CFAP20DC: variants seen among roughly 807,000 people sequenced by gnomAD.
The protein encoded by CFAP20DC is CFAP20 domain containing.
In CFAP20DC, 84 loss-of-function variants were observed where a neutral mutation model predicts 101.7. That is an observed-to-expected ratio of 0.83 (90% CI 0.69 to 0.99). The LOEUF is 0.99. CFAP20DC is among the 50% of genes least tolerant of loss of function. The probability of loss-of-function intolerance (pLI) is 0.00; values close to 1 mark genes in which losing one functional copy is unlikely to be tolerated. For missense variants in CFAP20DC, 1,007 were observed against 970.3 expected, an observed-to-expected ratio of 1.04 and a Z score of -0.50; for synonymous variants, 359 against 351.2, an observed-to-expected ratio of 1.02 and a Z score of -0.25.
chr3:58,956,261 AG>A (rs367986073), intron 4 of CFAP20DC, among the ~76,000 whole-genome samples: 4 of 151,916 alleles, frequency 2.6e-5, no homozygotes, highest in African/African-American at 9.7e-5. Flanking sequence ...GGCTCTTGGA[AG>A]GCATTTCTGA....
At chr3:58,930,818 G>A (rs2086544418) in intron 5 of CFAP20DC, among the ~76,000 whole-genome samples, 1 of 152,170 alleles carries the variant, frequency 6.6e-6, no homozygotes, top group African/African-American at 2.4e-5. Flanking sequence ...AACAGCTCCG[G>A]TCTACAGCTC....
chr3:58,995,660 A>C (rs2093096758), intron 4 of CFAP20DC, among the ~76,000 whole-genome samples: 1 of 152,200 alleles, frequency 6.6e-6, no homozygotes, highest in South Asian at 2.1e-4. Context: ...TTAACACACA[A>C]ATCAGTAGAC....
At chr3:58,932,384 C>A (rs899870039) in intron 5 of CFAP20DC, among the ~76,000 whole-genome samples, 6 of 152,058 alleles carry the variant, frequency 3.9e-5, no homozygotes, top group Non-Finnish European at 5.9e-5. Context: ...CCCAATCTAG[C>A]AAGGCAGGCC....
intron 4 of CFAP20DC, among the ~76,000 whole-genome samples, chr3:58,960,893 C>T (rs916498021): frequency 6.6e-6 from 1 of 152,038 alleles, no homozygotes; most frequent in South Asian, 2.1e-4. Context: ...GTATGATAAG[C>T]TATATGTTTT....
intron 5 of CFAP20DC, among the ~76,000 whole-genome samples, chr3:58,919,284 C>T (rs1332250587): frequency 6.6e-6 from 1 of 151,962 alleles, no homozygotes; most frequent in Non-Finnish European, 1.5e-5. Flanking sequence ...GAGTAGTACT[C>T]CACTTGGTGA....
chr3:58,817,428 T>C (rs1174218662), intron 14 of CFAP20DC, among the ~76,000 whole-genome samples: 3 of 147,768 alleles, frequency 2.0e-5, no homozygotes, highest in East Asian at 3.9e-4. Context: ...GAATAACCAA[T>C]ACAGAGAAGT....
At chr3:59,038,261 C>T (rs1487752883) in intron 4 of CFAP20DC, among the ~76,000 whole-genome samples, 2 of 152,028 alleles carry the variant, frequency 1.3e-5, no homozygotes, top group East Asian at 3.9e-4. Flanking sequence ...GCACATGTAT[C>T]CCATAACTTA....
intron 5 of CFAP20DC, among the ~76,000 whole-genome samples, chr3:58,934,465 A>G (rs1466007130): frequency 1.3e-5 from 2 of 152,164 alleles, no homozygotes; most frequent in African/African-American, 2.4e-5. Context: ...CAGAGACACA[A>G]CCAAAAAAGA....
chr3:58,879,216 A>G (rs1223507144), intron 7 of CFAP20DC, among the ~76,000 whole-genome samples: 4 of 152,216 alleles, frequency 2.6e-5, no homozygotes, highest in Non-Finnish European at 5.9e-5. Flanking sequence ...AGAAACAATA[A>G]ATGCTTAAGA....
At chr3:58,860,616 G>A (rs1008791013) in intron 12 of CFAP20DC, among the ~76,000 whole-genome samples, 6 of 152,102 alleles carry the variant, frequency 3.9e-5, no homozygotes, top group African/African-American at 1.4e-4. Flanking sequence ...GGGAAAAAAT[G>A]GTAGTATTTC....
At chr3:58,768,105 C>A (rs2070487883) in intron 15 of CFAP20DC, among the ~76,000 whole-genome samples, 1 of 152,168 alleles carries the variant, frequency 6.6e-6, no homozygotes, top group Non-Finnish European at 1.5e-5. Context: ...GAATAGCCAC[C>A]TCTAAGCACA....
chr3:58,728,108 A>G lies in CFAP20DC; in HGVS notation c.198-10480T>C, dbSNP rs2067581874. ...CTTTGTGGACAGAATGAGCGACCAT[A>G]GCATGGTATTGCATTTTGGTGAGCA... On this transcript the variant is annotated intron_variant, in intron 3 of 3. Coordinates refer to the CFAP20DC transcript ENST00000486145. This position sits in a 1 kb window ranked among gnomAD's most constrained non-coding sequence, Gnocchi z 4.7. 6.6e-6 allele frequency: 1 copy of G among 152,252 alleles called. No individual in the cohort carries two copies. The highest frequency in any genetic ancestry group is 2.1e-4 in the South Asian group (1 of 4,830). The allele number at this position is 152,252 out of a possible 1,614,324, so 9.4% of individuals were successfully genotyped here. A position where few individuals can be genotyped will look rare whatever the true frequency, so the allele number is the denominator to read the frequency against.
chr3:58,746,645 T>C (rs2068224956), intron 16 of CFAP20DC, among the ~76,000 whole-genome samples: 1 of 152,112 alleles, frequency 6.6e-6, no homozygotes, highest in Admixed American at 6.6e-5. Flanking sequence ...CCAATACATA[T>C]CACTATAGAA....
chr3:58,918,602 C>T (rs894943747), intron 5 of CFAP20DC, among the ~76,000 whole-genome samples: 6 of 151,910 alleles, frequency 3.9e-5, no homozygotes, highest in Admixed American at 6.6e-5. Context: ...TTGAACTGGA[C>T]GTTATTTTAA....
intron 15 of CFAP20DC, among the ~76,000 whole-genome samples, chr3:58,806,107 T>C (rs1006015060): frequency 1.3e-5 from 2 of 152,220 alleles, no homozygotes; most frequent in East Asian, 1.9e-4. Context: ...GAATTTTTCA[T>C]TTGAATCTTT....
At chr3:58,911,747 A>T (rs553452703) in intron 6 of CFAP20DC, among the ~76,000 whole-genome samples, 1 of 152,242 alleles carries the variant, frequency 6.6e-6, no homozygotes, top group African/African-American at 2.4e-5. Context: ...CTTCTTGTTA[A>T]TTTTGATGTC....
chr3:58,915,902 C>T (rs777279379), intron 5 of CFAP20DC, among the ~76,000 whole-genome samples: 2 of 151,940 alleles, frequency 1.3e-5, no homozygotes, highest in African/African-American at 2.4e-5. Flanking sequence ...TACTGACTTC[C>T]TAATATGGTA....
At position 58,859,968 on chromosome 3, in the gene CFAP20DC, G is replaced by A. The variant is rs1457845126; in HGVS notation, c.1593+3590C>T. 6.6e-6 allele frequency among the ~76,000 whole-genome samples: 1 copy of A among 151,980 alleles called. No individual in the cohort carries two copies. The highest frequency in any genetic ancestry group is 1.5e-5 in the Non-Finnish European group (1 of 67,988). On this transcript the variant is annotated intron_variant, in intron 12 of 16. Coordinates refer to ENST00000482387, the MANE Select transcript of CFAP20DC (RefSeq NM_001394063.1). The surrounding 1 kb of genome is among the most constrained non-coding windows in gnomAD (Gnocchi z 4.1). ...CCGAGGCAGGCAGATCACGAGGTCA[G>A]GAGATCGAGACCATCCTGGCCAACA...
chr3:58,826,903 G>A (rs1391108044), intron 14 of CFAP20DC, among the ~76,000 whole-genome samples: 1 of 152,140 alleles, frequency 6.6e-6, no homozygotes, highest in Non-Finnish European at 1.5e-5. Flanking sequence ...AGGGTGGGAT[G>A]AGGGTTGGGG....
Sources: gnomAD v4.1 joint callset for allele counts (sites outside exome capture counted in the v4.1 genomes callset) on GRCh38, gnomAD v4.1.1 for gene constraint, Gnocchi (gnomAD v3.1) non-coding constraint, MANE v1.5 for transcripts, NCBI Gene and HGNC (gene_info 2026-07-23, HGNC 2026-07-21) for gene names.